Variants in HECW2 observed in about 807,000 individuals in gnomAD.
HECW2 encodes HECT, C2 and WW domain containing E3 ubiquitin protein ligase 2, also known as E3 ubiquitin-protein ligase HECW2.
A neutral mutation model predicts 175.2 loss-of-function variants in HECW2; 61 were observed. That is an observed-to-expected ratio of 0.35 (90% CI 0.28 to 0.43). The LOEUF is 0.43. Ranked by LOEUF, HECW2 falls within the 20% of genes least tolerant of loss-of-function variation. The pLI, the probability that HECW2 is intolerant of heterozygous loss-of-function variation, is 1.00. For missense variants in HECW2, 1,524 were observed against 2,000.5 expected (o/e 0.76, Z 4.54); for synonymous variants, 671 against 731.0 (o/e 0.92, Z 1.32).
intron 5 of HECW2, among the ~76,000 whole-genome samples, chr2:196,327,018 C>T (rs1692179155): frequency 6.6e-6 from 1 of 152,160 alleles, no homozygotes; most frequent in Non-Finnish European, 1.5e-5. Context: ...TCTTGCCTTT[C>T]TTGATTATGT....
intron 1 of HECW2, among the ~76,000 whole-genome samples, chr2:196,564,083 A>T (rs1261722842): frequency 6.6e-6 from 1 of 152,212 alleles, no homozygotes; most frequent in South Asian, 2.1e-4. Context: ...AGTAGCAGAC[A>T]TCCTGTGCCT....
chr2:196,220,753 G>A, intron 25 of HECW2, 42 bp downstream of exon 25: 1 of 1,597,760 alleles, frequency 6.3e-7, no homozygotes, highest in East Asian at 2.2e-5. Flanking sequence ...TGGCATCATT[G>A]ATATCAGACT....
At chr2:196,239,237 A>G (rs1688362416) in intron 21 of HECW2, 1 of 152,186 alleles carries the variant, frequency 6.6e-6, no homozygotes, top group African/African-American at 2.4e-5. Flanking sequence ...ACCTTAATGT[A>G]GGAATAGCTG....
chr2:196,538,736 T>C (rs1689104756), intron 1 of HECW2, among the ~76,000 whole-genome samples: 1 of 152,194 alleles, frequency 6.6e-6, no homozygotes. Flanking sequence ...TTTGCTCGTA[T>C]AAGTTTTTCT....
intron 26 of HECW2, among the ~76,000 whole-genome samples, chr2:196,219,620 G>C (rs1374544318): frequency 6.6e-6 from 1 of 152,200 alleles, no homozygotes; most frequent in East Asian, 1.9e-4. Context: ...CAACTGATAA[G>C]GAGCGTAGTG....
intron 1 of HECW2, among the ~76,000 whole-genome samples, chr2:196,461,534 TGTATTA>T (rs551406364): frequency 6.6e-4 from 101 of 152,206 alleles, no homozygotes; most frequent in Non-Finnish European, 1.2e-3. Context: ...AAAGACTTAT[TGTATTA>T]GTCCATTTTT....
intron 1 of HECW2, among the ~76,000 whole-genome samples, chr2:196,548,747 A>G (rs948825252): frequency 5.3e-5 from 8 of 152,204 alleles, no homozygotes; most frequent in African/African-American, 1.4e-4. Flanking sequence ...GGAAGCCCAC[A>G]GTCAAGGTGT....
intron 1 of HECW2, among the ~76,000 whole-genome samples, chr2:196,487,854 T>C (rs150013449): frequency 2.6e-4 from 39 of 152,354 alleles, no homozygotes; most frequent in African/African-American, 8.2e-4. Flanking sequence ...ATCAATGACA[T>C]CTGTCCAGAA....
chr2:196,392,477 TA>T (rs1460832482), intron 2 of HECW2, among the ~76,000 whole-genome samples: 4 of 147,900 alleles, frequency 2.7e-5, no homozygotes, highest in Middle Eastern at 3.6e-3. Context: ...TGTGGTACAT[TA>T]AAAAATTTTT....
At chr2:196,317,140 A>G in intron 10 of HECW2, 134 bp downstream of exon 10, 2 of 670,454 alleles carry the variant, frequency 3.0e-6, no homozygotes, top group South Asian at 1.8e-5. Context: ...TACACCTGCT[A>G]TGTCAAGTGG....
chr2:196,288,561 T>C (rs562115316), intron 14 of HECW2: 80 of 152,352 alleles, frequency 5.3e-4, no homozygotes, highest in African/African-American at 1.8e-3. Context: ...AATAGGATGC[T>C]GACATGAATC....
intron 1 of HECW2, among the ~76,000 whole-genome samples, chr2:196,451,683 G>A (rs1312143499): frequency 1.3e-5 from 2 of 151,950 alleles, no homozygotes; most frequent in Non-Finnish European, 2.9e-5. Flanking sequence ...GAGGATCACT[G>A]AGGTCAAGAG....
chr2:196,401,714 G>A (rs1694821596), intron 2 of HECW2, among the ~76,000 whole-genome samples: 1 of 152,020 alleles, frequency 6.6e-6, no homozygotes, highest in South Asian at 2.1e-4. Flanking sequence ...TGAATATTCA[G>A]GATGTTTTAA....
rs574394472 is a variant in HECW2, at chr2:196,252,842, A to T, written c.3529+1078T>A. On this transcript the variant is annotated intron_variant, in intron 19 of 28. Transcript: ENST00000644978. ...TCATCATTCTTCAAGGTTCCACTTC[A>T]TATTTCCCCAAATACCCCATCCCCA... Among the ~76,000 whole-genome samples the T allele has an allele frequency of 2.6e-5, 4 of 152,258 alleles. No homozygotes were observed. The South Asian group carries it at 6.2e-4, about 24-fold the overall frequency.
intron 17 of HECW2, 178 bp from the exon 18 acceptor site, chr2:196,258,084 G>C (rs1323041949): frequency 1.1e-5 from 6 of 561,362 alleles, no homozygotes; most frequent in African/African-American, 1.9e-5. Flanking sequence ...CCTTCAAGGG[G>C]GGGGATCTTG....
chr2:196,252,535 T>C (rs999385490), intron 19 of HECW2, among the ~76,000 whole-genome samples: 2 of 152,138 alleles, frequency 1.3e-5, no homozygotes, highest in Admixed American at 6.5e-5. Context: ...TAAAGGTGTG[T>C]GGTACCTCCC....
At chr2:196,218,535 C>G (rs138801881) in intron 26 of HECW2, among the ~76,000 whole-genome samples, 4 of 152,182 alleles carry the variant, frequency 2.6e-5, no homozygotes, top group African/African-American at 9.6e-5. Flanking sequence ...CTCCTGGGTC[C>G]GGGCGTGGTG....
At chr2:196,480,509 C>A (rs1183233356) in intron 1 of HECW2, among the ~76,000 whole-genome samples, 1 of 152,174 alleles carries the variant, frequency 6.6e-6, no homozygotes, top group Non-Finnish European at 1.5e-5. Context: ...CATCCCCCAG[C>A]CACAGTGATG....
chr2:196,568,614 T>C (rs1257933312), intron 1 of HECW2, among the ~76,000 whole-genome samples: 1 of 152,200 alleles, frequency 6.6e-6, no homozygotes, highest in Non-Finnish European at 1.5e-5. Flanking sequence ...ATGCATTCAG[T>C]TGAAACCGTA....
Sources: gnomAD v4.1 joint callset for allele counts (sites outside exome capture counted in the v4.1 genomes callset) on GRCh38, gnomAD v4.1.1 for gene constraint, MANE v1.5 for transcripts, NCBI Gene and HGNC (gene_info 2026-07-23, HGNC 2026-07-21) for gene names.